LSAMP: variants seen among roughly 807,000 people sequenced by gnomAD.
The protein encoded by LSAMP is limbic system-associated membrane protein.
LSAMP carries 7 observed loss-of-function variants against 38.6 expected under a neutral mutation model. The ratio of observed to expected loss-of-function variants is 0.18; its 90% confidence interval spans 0.10 to 0.34. The LOEUF (loss-of-function observed/expected upper bound fraction) is 0.34. Ranked by LOEUF, LSAMP falls within the 10% of genes least tolerant of loss-of-function variation. The probability of loss-of-function intolerance (pLI) is 1.00; values close to 1 mark genes in which losing one functional copy is unlikely to be tolerated. For missense variants in LSAMP, 313 were observed against 420.0 expected, an observed-to-expected ratio of 0.75 and a Z score of 2.23; for synonymous variants, 154 against 166.8, an observed-to-expected ratio of 0.92 and a Z score of 0.59.
At chr3:116,434,586 G>GA (rs2049322644) in intron 1 of LSAMP, among the ~76,000 whole-genome samples, 1 of 152,118 alleles carries the variant, frequency 6.6e-6, no homozygotes, top group African/African-American at 2.4e-5. Flanking sequence ...AAGGAGTCTT[G>GA]CTCTGTTGCT....
At chr3:116,076,284 G>A (rs1299056829) in intron 2 of LSAMP, among the ~76,000 whole-genome samples, 1 of 151,852 alleles carries the variant, frequency 6.6e-6, no homozygotes, top group African/African-American at 2.4e-5. Context: ...TTGAGACGGA[G>A]TCTCGCTCTG....
chr3:115,841,629 C>T, intron 6 of LSAMP: 1 of 434,934 alleles, frequency 2.3e-6, no homozygotes, highest in Non-Finnish European at 3.9e-6. Flanking sequence ...AACAACAAGG[C>T]AGTTATCAGA....
At chr3:116,104,219 C>T (rs1708411871) in intron 1 of LSAMP, among the ~76,000 whole-genome samples, 1 of 152,124 alleles carries the variant, frequency 6.6e-6, no homozygotes, top group Non-Finnish European at 1.5e-5. Context: ...ATCACCAGCT[C>T]TTAACAGCAA....
chr3:115,950,458 TAAATC>T (rs1289813730), intron 3 of LSAMP, among the ~76,000 whole-genome samples: 1 of 151,948 alleles, frequency 6.6e-6, no homozygotes, highest in African/African-American at 2.4e-5. Context: ...AGCTGAGAAT[TAAATC>T]AAAATGCAAA....
intron 2 of LSAMP, among the ~76,000 whole-genome samples, chr3:116,029,374 T>C (rs1356117383): frequency 2.6e-5 from 4 of 152,030 alleles, no homozygotes; most frequent in Non-Finnish European, 4.4e-5. Context: ...GTAGAAAAAA[T>C]ACAGAAACTA....
chr3:115,997,761 C>G (rs1294134156), intron 3 of LSAMP, among the ~76,000 whole-genome samples: 1 of 136,750 alleles, frequency 7.3e-6, no homozygotes, highest in Non-Finnish European at 1.6e-5. Flanking sequence ...TATACACACA[C>G]ATACATACAC....
At chr3:116,085,763 T>C (rs1173924396) in intron 2 of LSAMP, among the ~76,000 whole-genome samples, 1 of 152,218 alleles carries the variant, frequency 6.6e-6, no homozygotes, top group Admixed American at 6.5e-5. Flanking sequence ...TTTGCAGATC[T>C]TTGTCACTGG....
At chr3:116,321,694 T>A (rs1171307817) in intron 1 of LSAMP, among the ~76,000 whole-genome samples, 1 of 152,192 alleles carries the variant, frequency 6.6e-6, no homozygotes, top group East Asian at 1.9e-4. Flanking sequence ...AGAGTGCCTC[T>A]CTGACACACA....
intron 2 of LSAMP, chr3:116,051,157 T>C (rs1480896679): frequency 1.3e-5 from 2 of 152,218 alleles, no homozygotes; most frequent in Non-Finnish European, 2.9e-5. Context: ...CTTCAGTACC[T>C]GGCACAGCTA....
chr3:115,953,034 G>A (rs1938341939), intron 3 of LSAMP, among the ~76,000 whole-genome samples: 1 of 152,142 alleles, frequency 6.6e-6, no homozygotes, highest in Non-Finnish European at 1.5e-5. Flanking sequence ...ATGAGAGATA[G>A]TGGTAGAACT....
At chr3:115,832,768 A>T (rs917760601) in intron 6 of LSAMP, among the ~76,000 whole-genome samples, 1 of 152,168 alleles carries the variant, frequency 6.6e-6, no homozygotes, top group Non-Finnish European at 1.5e-5. Flanking sequence ...TTCTCTAAAA[A>T]CTATTGGATC....
At chr3:115,882,821 T>A (rs979253747) in intron 3 of LSAMP, among the ~76,000 whole-genome samples, 1 of 152,030 alleles carries the variant, frequency 6.6e-6, no homozygotes, top group Non-Finnish European at 1.5e-5. Flanking sequence ...GTTTTTATGG[T>A]TGTAACAAGC....
intron 1 of LSAMP, among the ~76,000 whole-genome samples, chr3:116,395,893 T>C (rs896376621): frequency 6.6e-6 from 1 of 152,180 alleles, no homozygotes; most frequent in African/African-American, 2.4e-5. Context: ...TATCCAAATA[T>C]ATAAAAATGA....
At chr3:116,188,118 C>T (rs1471311132) in intron 1 of LSAMP, among the ~76,000 whole-genome samples, 1 of 152,168 alleles carries the variant, frequency 6.6e-6, no homozygotes, top group Admixed American at 6.5e-5. Context: ...TTCATTGGTG[C>T]TCCTTACTGG....
chr3:116,196,752 G>A (rs1710891254), intron 1 of LSAMP, among the ~76,000 whole-genome samples: 1 of 152,114 alleles, frequency 6.6e-6, no homozygotes, highest in Non-Finnish European at 1.5e-5. Context: ...AAGTGCTGAA[G>A]TGTATCAGTC....
At chr3:116,374,150 T>C (rs2107794627) in intron 1 of LSAMP, among the ~76,000 whole-genome samples, 1 of 152,072 alleles carries the variant, frequency 6.6e-6, no homozygotes. Flanking sequence ...GATTGAACTG[T>C]GGAATTCATT....
chr3:116,091,471 G>T (rs2091668), intron 1 of LSAMP, among the ~76,000 whole-genome samples: 38,848 of 152,144 alleles, frequency 0.26, 6,752 homozygotes, highest in African/African-American at 0.5. Context: ...GGGGAAGTGA[G>T]AAGTGTCCAT....
At position 116,175,149 on chromosome 3, in the gene LSAMP, A is replaced by C. The variant is rs562396735; in HGVS notation, c.156-88593T>G. On this transcript the variant is annotated intron_variant, in intron 1 of 6. Transcript: ENST00000490035. ...GAGACAGCTAGGTTTATTGTTCTTTAGTTATTTTTTTAGGTTAAACTATTC... is the reference window on the plus strand; with the variant it reads ...GAGACAGCTAGGTTTATTGTTCTTTCGTTATTTTTTTAGGTTAAACTATTC... Among the ~76,000 whole-genome samples, 65 of 108,546 alleles carry C rather than the reference A, an allele frequency of 6.0e-4. No homozygotes were observed. The Admixed American group carries it at 6.2e-3, about 10-fold the overall frequency. The allele number at this position is 108,546 out of a possible 152,430, so 71.2% of individuals were successfully genotyped here.
chr3:115,926,613 G>A (rs1416802474), intron 3 of LSAMP, among the ~76,000 whole-genome samples: 1 of 152,134 alleles, frequency 6.6e-6, no homozygotes, highest in Non-Finnish European at 1.5e-5. Flanking sequence ...CTGTGGGGGT[G>A]TGCTCCTCTG....
Sources: allele counts gnomAD v4.1 joint callset (sites outside exome capture counted in the v4.1 genomes callset), GRCh38; gene constraint gnomAD v4.1.1; transcripts MANE v1.5; gene names NCBI Gene and HGNC (gene_info 2026-07-23, HGNC 2026-07-21).